Variants in HEATR4 observed in about 807,000 individuals in gnomAD.
HEATR4 encodes the protein HEAT repeat containing 4, also known as HEAT repeat-containing protein 4.
Under a neutral mutation model 108.8 loss-of-function variants are expected in HEATR4, and 95 were observed. The ratio of observed to expected loss-of-function variants is 0.87; its 90% CI spans 0.74 to 1.04. HEATR4 has a LOEUF of 1.04. HEATR4 is among the 50% of genes least tolerant of loss of function. HEATR4 has a pLI of 0.00. For missense variants in HEATR4, 1,152 were observed against 1,253.8 expected (o/e 0.92, Z 1.23); for synonymous variants, 443 against 459.4 (o/e 0.96, Z 0.46).
At chr14:73,554,487 C>A (rs1889368688) in intron 1 of HEATR4, among the ~76,000 whole-genome samples, 1 of 115,034 alleles carries the variant, frequency 8.7e-6, no homozygotes, top group Non-Finnish European at 1.9e-5. Flanking sequence ...GTTACCAAGG[C>A]AGCTTTTTTC....
At chr14:73,558,277 T>C (rs1889433522) in intron 1 of HEATR4, among the ~76,000 whole-genome samples, 1 of 141,470 alleles carries the variant, frequency 7.1e-6, no homozygotes, top group Non-Finnish European at 1.5e-5. Context: ...ACTTTCTAAT[T>C]TTTTACCATG....
At chr14:73,566,479 G>C in the HEATR4 span, among the ~76,000 whole-genome samples, 1 of 152,130 alleles carries the variant, frequency 6.6e-6, no homozygotes, top group Admixed American at 6.5e-5. Context: ...GCCCTTTCCC[G>C]TGGGAAGGCA....
intron 1 of HEATR4, among the ~76,000 whole-genome samples, chr14:73,555,679 G>T (rs1009171605): frequency 8.6e-6 from 1 of 115,684 alleles, no homozygotes. Flanking sequence ...AATGGGATGA[G>T]GACTCATTTC....
rs1291472238 is a variant in HEATR4, at chr14:73,508,175, C to T, written c.1840G>A (p.Glu614Lys). The part of the protein sequence containing the change: ...LFTKKNEDTE[E>K]QSYILLSYLS... Reference sequence around the variant, plus strand: ...TAGCTCAGGAGGATATAAGACTGTTCCTCAGTGTCCTCATTCTTCTTTGTA... The same window carrying T: ...TAGCTCAGGAGGATATAAGACTGTTTCTCAGTGTCCTCATTCTTCTTTGTA... The change falls in exon 9 of 18, where the codon GAA becomes AAA. Residue 614 changes from glutamate to lysine, a missense_variant. Physicochemically the swap from Glu to Lys is moderately conservative, Grantham distance 56. Transcript: ENST00000553558. The T allele has an allele frequency of 1.2e-6, 2 of 1,613,934 alleles. No individual in the cohort carries two copies. Among genetic ancestry groups the T allele is most frequent in the African/African-American group, 2.7e-5 (2 of 74,920 alleles).
the HEATR4 span, chr14:73,612,806 G>A: frequency 1.4e-6 from 2 of 1,415,772 alleles, no homozygotes; most frequent in Non-Finnish European, 1.9e-6. Flanking sequence ...CCAGCCCATG[G>A]GGCTGCTGTG....
At chr14:73,498,127 T>C (rs1167857442) in intron 14 of HEATR4, 28 bp downstream of exon 14, 3 of 1,582,132 alleles carry the variant, frequency 1.9e-6, no homozygotes, top group African/African-American at 1.3e-5. Context: ...TATAAGGTCA[T>C]GGTGGGAGCC....
chr14:73,614,802 AAAAC>A, the HEATR4 span, among the ~76,000 whole-genome samples: 1 of 151,684 alleles, frequency 6.6e-6, no homozygotes, highest in African/African-American at 2.4e-5. Flanking sequence ...CCTTTCATTA[AAAAC>A]AAACAAGGAG....
At chr14:73,627,734 T>C in the HEATR4 span, among the ~76,000 whole-genome samples, 1 of 152,184 alleles carries the variant, frequency 6.6e-6, no homozygotes, top group Non-Finnish European at 1.5e-5. Flanking sequence ...GATTAAATCA[T>C]TGCCCATTGG....
At chr14:73,589,150 A>G in the HEATR4 span, among the ~76,000 whole-genome samples, 2 of 152,138 alleles carry the variant, frequency 1.3e-5, no homozygotes, top group East Asian at 3.8e-4. Context: ...ACAGTTTTGG[A>G]CAAATGTATA....
the HEATR4 span, among the ~76,000 whole-genome samples, chr14:73,585,753 G>A: frequency 1.2e-3 from 185 of 149,198 alleles, no homozygotes; most frequent in African/African-American, 4.3e-3. Flanking sequence ...AAAAATCATT[G>A]CTGTGGAGGA....
In HEATR4 at chr14:73,512,115, C is replaced by T. The variant is rs770115189; in HGVS notation, c.1449G>A (p.Leu483=). 1.1e-5 allele frequency: 18 copies of T among 1,614,186 alleles called. No individual in the cohort carries two copies. In the Admixed American group the frequency reaches 2.7e-4, roughly 24 times the overall value. ...IEWHHETVEN[L]LQSLGDLHDD... ...CATGCAGGTCTCCCAAGCTCTGAAG[C>T]AGGTTCTCTACTGTCTCATGGTGCC... The change falls in exon 7 of 18, where the codon CTG becomes CTA. Residue 483 remains leucine, a synonymous_variant. Coordinates refer to ENST00000553558, the MANE Select transcript of HEATR4 (RefSeq NM_001220484.1).
chr14:73,599,126 G>A, the HEATR4 span, among the ~76,000 whole-genome samples: 444 of 152,118 alleles, frequency 2.9e-3, 3 homozygotes, highest in African/African-American at 8.7e-3. Context: ...TGTGGTCAGC[G>A]TCTCAGTTAT....
At chr14:73,586,813 G>T in the HEATR4 span, among the ~76,000 whole-genome samples, 1 of 152,024 alleles carries the variant, frequency 6.6e-6, no homozygotes, top group Non-Finnish European at 1.5e-5. Flanking sequence ...CTGGGCTCAA[G>T]CCATCTTCCC....
the HEATR4 span, among the ~76,000 whole-genome samples, chr14:73,622,714 A>G: frequency 2.0e-5 from 3 of 151,532 alleles, no homozygotes; most frequent in African/African-American, 7.3e-5. Flanking sequence ...TTTTTATTTC[A>G]AAAAGAATCT....
At chr14:73,578,874 G>A in the HEATR4 span, among the ~76,000 whole-genome samples, 78 of 151,602 alleles carry the variant, frequency 5.1e-4, no homozygotes, top group African/African-American at 1.7e-3. Context: ...TCACGAGGTC[G>A]GGAGATCAAG....
At chr14:73,520,350 T>C (rs1887900187) in intron 4 of HEATR4, 1 of 153,328 alleles carries the variant, frequency 6.5e-6, no homozygotes, top group Non-Finnish European at 1.5e-5. Flanking sequence ...AAGTGCATTT[T>C]TGTTAACATC....
At chr14:73,519,425 A>G (rs1340444106) in intron 4 of HEATR4, among the ~76,000 whole-genome samples, 1 of 151,664 alleles carries the variant, frequency 6.6e-6, no homozygotes, top group Non-Finnish European at 1.5e-5. Flanking sequence ...GAGGCCTGGG[A>G]GCCAAGGATG....
intron 17 of HEATR4, among the ~76,000 whole-genome samples, chr14:73,483,450 T>C (rs1324913041): frequency 1.3e-5 from 2 of 152,198 alleles, no homozygotes; most frequent in African/African-American, 4.8e-5. Flanking sequence ...CTTGAACTCC[T>C]GGGCTCAAGT....
intron 13 of HEATR4, among the ~76,000 whole-genome samples, chr14:73,498,805 A>G (rs1886249583): frequency 6.6e-6 from 1 of 152,240 alleles, no homozygotes; most frequent in Non-Finnish European, 1.5e-5. Context: ...CTGGATACCT[A>G]CTTGGAACTT....
Sources: gnomAD v4.1 joint callset for allele counts (sites outside exome capture counted in the v4.1 genomes callset) on GRCh38, gnomAD v4.1.1 for gene constraint, MANE v1.5 for transcripts, NCBI Gene and HGNC (gene_info 2026-07-23, HGNC 2026-07-21) for gene names.